Variants in TLK2 observed in about 807,000 individuals in gnomAD.
TLK2 encodes the protein tousled like kinase 2.
In TLK2, 6 loss-of-function variants were observed where a neutral mutation model predicts 117.3. The observed-to-expected ratio is 0.05, with a 90% CI of 0.03 to 0.10. TLK2 has a LOEUF of 0.10. TLK2 is among the 10% of genes least tolerant of loss of function. TLK2 has a pLI of 1.00. For missense variants in TLK2, 299 were observed against 901.2 expected (o/e 0.33, Z 8.56); for synonymous variants, 257 against 316.7 (o/e 0.81, Z 2.00).
intron 2 of TLK2, chr17:62,508,489 T>C (rs1432598596): frequency 1.0e-6 from 1 of 983,850 alleles, no homozygotes; most frequent in East Asian, 1.1e-4. Context: ...TGGGAAATAA[T>C]CAAGAGTTGG....
intron 10 of TLK2, among the ~76,000 whole-genome samples, chr17:62,561,874 T>C (rs1048926854): frequency 6.6e-6 from 1 of 152,238 alleles, no homozygotes; most frequent in African/African-American, 2.4e-5. Flanking sequence ...AAACTCTAAA[T>C]AGCATACTAC....
chr17:62,482,795 T>C (rs550143226), intron 2 of TLK2, among the ~76,000 whole-genome samples: 1 of 152,320 alleles, frequency 6.6e-6, no homozygotes, highest in Admixed American at 6.5e-5. Flanking sequence ...GAGCACCTGC[T>C]GTATGCTAGG....
intron 20 of TLK2, among the ~76,000 whole-genome samples, chr17:62,606,758 C>T (rs2147262913): frequency 6.6e-6 from 1 of 152,278 alleles, no homozygotes; most frequent in Middle Eastern, 3.4e-3. Flanking sequence ...AAGTGGTAAA[C>T]TACACCTAAT....
At chr17:62,566,666 T>TGA (rs1256925651) in intron 11 of TLK2, among the ~76,000 whole-genome samples, 1 of 152,212 alleles carries the variant, frequency 6.6e-6, no homozygotes, top group Non-Finnish European at 1.5e-5. Flanking sequence ...CATGGAGGTA[T>TGA]GATACCTGTT....
chr17:62,506,526 T>C (rs914422429), intron 2 of TLK2, among the ~76,000 whole-genome samples: 6 of 152,156 alleles, frequency 3.9e-5, no homozygotes, highest in African/African-American at 9.7e-5. Flanking sequence ...TTCTTTTTTT[T>C]CCTCATATGT....
intron 6 of TLK2, among the ~76,000 whole-genome samples, chr17:62,535,187 C>T (rs1247563540): frequency 2.6e-5 from 4 of 152,094 alleles, no homozygotes; most frequent in Admixed American, 2.6e-4. Flanking sequence ...TGTGCCTTGC[C>T]AATTCCAGTC....
intron 19 of TLK2, 51 bp downstream of exon 19, chr17:62,602,231 A>T (rs921101802): frequency 8.9e-6 from 14 of 1,574,736 alleles, no homozygotes; most frequent in Non-Finnish European, 1.2e-5. Flanking sequence ...TGGCTCTGCT[A>T]TGCTGAAGTG....
At chr17:62,558,373 G>T (rs1369415464) in intron 9 of TLK2, among the ~76,000 whole-genome samples, 1 of 152,084 alleles carries the variant, frequency 6.6e-6, no homozygotes, top group African/African-American at 2.4e-5. Context: ...ATGTTGCCGA[G>T]GCTGGTCTTG....
chr17:62,521,423 G>A (rs564962212), intron 3 of TLK2, among the ~76,000 whole-genome samples: 1 of 151,984 alleles, frequency 6.6e-6, no homozygotes, highest in South Asian at 2.1e-4. Flanking sequence ...AACTTTTTTC[G>A]AGACATGGCC....
Position 62,600,807 on chromosome 17 carries a change from T to C in TLK2, c.1707T>C (p.Tyr569=), listed in dbSNP as rs781593769. ...AAATAAAACCTCCCATCATACACTA[T>C]GACCTCAAACCAGGTATGTCTAACT... is the stretch of plus-strand genomic sequence containing the variant. The part of the protein sequence containing the change: ...LNEIKPPIIH[Y]DLKPGNILLV... Residue 569 remains tyrosine, a synonymous_variant, in exon 18 of 22, where the codon TAT becomes TAC. Transcript: ENST00000346027. The C allele has an allele frequency of 2.6e-5, 42 of 1,609,920 alleles. No homozygotes were observed. Among genetic ancestry groups the C allele is most frequent in the Admixed American group, 6.8e-5 (4 of 58,922 alleles).
intron 6 of TLK2, among the ~76,000 whole-genome samples, chr17:62,527,120 C>T (rs540975227): frequency 1.3e-5 from 2 of 152,278 alleles, no homozygotes; most frequent in East Asian, 3.9e-4. Context: ...ACTTGTTATT[C>T]CCTCTTCCAG....
intron 2 of TLK2, among the ~76,000 whole-genome samples, chr17:62,487,914 C>T (rs556309511): frequency 1.4e-5 from 2 of 146,010 alleles, no homozygotes; most frequent in African/African-American, 5.1e-5. Flanking sequence ...TGAGCCAGTG[C>T]GCCCGGCGGC....
intron 7 of TLK2, among the ~76,000 whole-genome samples, chr17:62,547,067 T>C (rs931384344): frequency 7.2e-5 from 11 of 152,204 alleles, no homozygotes; most frequent in African/African-American, 2.7e-4. Context: ...TTTTTTCATC[T>C]TAAGAACCTT....
chr17:62,511,247 G>C (rs1431217614), intron 2 of TLK2, among the ~76,000 whole-genome samples: 1 of 152,158 alleles, frequency 6.6e-6, no homozygotes, highest in African/African-American at 2.4e-5. Context: ...GCTCTTTCCT[G>C]CTACGCGTTT....
intron 7 of TLK2, among the ~76,000 whole-genome samples, chr17:62,538,922 A>G (rs1377112400): frequency 6.6e-6 from 1 of 152,188 alleles, no homozygotes; most frequent in Non-Finnish European, 1.5e-5. Context: ...GTAGGCAAAG[A>G]CTGTTTTTGA....
chr17:62,472,738 A>C, intron 1 of TLK2, among the ~76,000 whole-genome samples: 1 of 140,698 alleles, frequency 7.1e-6, no homozygotes, highest in East Asian at 2.0e-4. Context: ...ACCCCGTCTC[A>C]AAAAAAAAAA....
chr17:62,579,095 G>A lies in TLK2; in HGVS notation c.1286+521G>A, dbSNP rs1460429839. On this transcript the variant is annotated intron_variant, in intron 14 of 21. Transcript: ENST00000346027. ...TGAAAGTAGAAAGGGGTTTTTATAAGTAATCTGTTTTTTCCCCATATTTTT... is the reference window on the plus strand; with the variant it reads ...TGAAAGTAGAAAGGGGTTTTTATAAATAATCTGTTTTTTCCCCATATTTTT... Among the ~76,000 whole-genome samples, 3 of 152,184 alleles carry A rather than the reference G, an allele frequency of 2.0e-5. 1 individual carries two copies. The highest frequency in any genetic ancestry group is 4.1e-4 in the South Asian group (2 of 4,832).
intron 11 of TLK2, among the ~76,000 whole-genome samples, chr17:62,570,390 A>G (rs1452467741): frequency 1.3e-5 from 2 of 152,194 alleles, no homozygotes; most frequent in East Asian, 3.8e-4. Flanking sequence ...AGCGCTCTCT[A>G]AAATTGATGC....
At chr17:62,530,738 G>A (rs2076687958) in intron 6 of TLK2, among the ~76,000 whole-genome samples, 1 of 152,080 alleles carries the variant, frequency 6.6e-6, no homozygotes, top group Non-Finnish European at 1.5e-5. Context: ...TCCACCTGGG[G>A]TTGCTTTCCT....
Sources: allele counts gnomAD v4.1 joint callset (sites outside exome capture counted in the v4.1 genomes callset), GRCh38; gene constraint gnomAD v4.1.1; transcripts MANE v1.5; gene names NCBI Gene and HGNC (gene_info 2026-07-23, HGNC 2026-07-21).